The following NBEA variants were observed in gnomAD, a reference collection of about 807,000 sequenced individuals.
NBEA encodes the protein lysosomal-trafficking regulator 2.
In NBEA, 44 loss-of-function variants were observed where a neutral mutation model predicts 343.4. The observed-to-expected ratio is 0.13, with a 90% confidence interval of 0.10 to 0.16. The LOEUF (loss-of-function observed/expected upper bound fraction) is 0.16. Among genes scored for constraint, NBEA ranks in the 10% least tolerant of loss-of-function variants. The probability of loss-of-function intolerance (pLI) is 1.00; values close to 1 mark genes in which losing one functional copy is unlikely to be tolerated. For synonymous variants in NBEA, 1,175 were observed against 1,238.7 expected (o/e 0.95, Z 1.08); for missense variants, 2,555 against 3,631.3 (o/e 0.70, Z 7.62).
At chr13:35,248,495 A>G (rs2031523355) in intron 34 of NBEA, among the ~76,000 whole-genome samples, 1 of 152,220 alleles carries the variant, frequency 6.6e-6, no homozygotes, top group Non-Finnish European at 1.5e-5. Flanking sequence ...CGATTTTAAA[A>G]CTTCTACTTA....
intron 56 of NBEA, 69 bp from the exon 57 acceptor site, chr13:35,667,305 G>C (rs2085406643): frequency 7.5e-7 from 1 of 1,332,126 alleles, no homozygotes; most frequent in Non-Finnish European, 1.1e-6. Context: ...AAGGTTTTCA[G>C]GTTGGTGGGA....
intron 55 of NBEA, among the ~76,000 whole-genome samples, chr13:35,663,266 C>T (rs2085189001): frequency 6.6e-6 from 1 of 152,206 alleles, no homozygotes; most frequent in Non-Finnish European, 1.5e-5. Context: ...TTAACCAACA[C>T]CTTCCCACCA....
chr13:35,388,959 A>G (rs1361070277), intron 38 of NBEA, among the ~76,000 whole-genome samples: 1 of 151,756 alleles, frequency 6.6e-6, no homozygotes, highest in Non-Finnish European at 1.5e-5. Flanking sequence ...ATATTTCTCT[A>G]AACGTTTACG....
intron 48 of NBEA, among the ~76,000 whole-genome samples, chr13:35,621,728 T>A (rs2083001058): frequency 1.4e-5 from 2 of 146,386 alleles, no homozygotes; most frequent in South Asian, 4.4e-4. Flanking sequence ...CTTTATTCCT[T>A]CCTCTTGTGA....
At chr13:34,980,054 T>C (rs976224259) in intron 1 of NBEA, among the ~76,000 whole-genome samples, 1 of 152,178 alleles carries the variant, frequency 6.6e-6, no homozygotes, top group Non-Finnish European at 1.5e-5. Context: ...ATCCATTTGT[T>C]GGTCTTTATG....
intron 34 of NBEA, among the ~76,000 whole-genome samples, chr13:35,248,262 C>T (rs2031491685): frequency 6.6e-6 from 1 of 152,030 alleles, no homozygotes. Context: ...TATACCATAA[C>T]CAAGTAAATT....
chr13:35,008,233 T>C (rs964369830), intron 1 of NBEA, among the ~76,000 whole-genome samples: 1 of 152,208 alleles, frequency 6.6e-6, no homozygotes, highest in Non-Finnish European at 1.5e-5. Context: ...TTTAAAAGTA[T>C]ACAGTTTAGT....
At chr13:35,335,724 A>C (rs1041674908) in intron 36 of NBEA, among the ~76,000 whole-genome samples, 4 of 152,092 alleles carry the variant, frequency 2.6e-5, no homozygotes, top group African/African-American at 9.7e-5. Flanking sequence ...ACATCCTAGG[A>C]GATGTTACTG....
At chr13:35,211,280 T>A in intron 33 of NBEA, 101 bp downstream of exon 33, 1 of 1,049,308 alleles carries the variant, frequency 9.5e-7, no homozygotes, top group South Asian at 1.7e-5. Flanking sequence ...GAATGAAGGT[T>A]AATTATTTTG....
At chr13:35,139,034 T>G (rs1034889430) in intron 17 of NBEA, among the ~76,000 whole-genome samples, 1 of 150,698 alleles carries the variant, frequency 6.6e-6, no homozygotes, top group Non-Finnish European at 1.5e-5. Context: ...TCATATATAC[T>G]CTGAATTTGT....
chr13:35,491,960 G>A (rs9600846), intron 41 of NBEA, among the ~76,000 whole-genome samples: 20,352 of 151,918 alleles, frequency 0.13, 1,712 homozygotes, highest in South Asian at 0.22. Flanking sequence ...TTCCACATCC[G>A]TATCAATGGA....
chr13:34,943,995 AAGG>A (rs1312091568), intron 1 of NBEA, among the ~76,000 whole-genome samples: 70 of 152,222 alleles, frequency 4.6e-4, no homozygotes, highest in African/African-American at 1.6e-3. Flanking sequence ...AAATGGAAAG[AAGG>A]AGAGGAGAAT....
chr13:35,483,492 T>C (rs2076195803), intron 41 of NBEA, among the ~76,000 whole-genome samples: 2 of 152,036 alleles, frequency 1.3e-5, no homozygotes, highest in African/African-American at 4.8e-5. Context: ...TGTATAAATA[T>C]ACATTATCCT....
intron 1 of NBEA, among the ~76,000 whole-genome samples, chr13:35,009,242 C>T (rs868518333): frequency 1.3e-5 from 2 of 152,282 alleles, no homozygotes; most frequent in Middle Eastern, 3.4e-3. Context: ...TCTACTCTCC[C>T]ACAGGTTACA....
chr13:35,343,780 A>G (rs2039722688), intron 36 of NBEA, among the ~76,000 whole-genome samples: 1 of 152,054 alleles, frequency 6.6e-6, no homozygotes, highest in Non-Finnish European at 1.5e-5. Flanking sequence ...ACTATCTCCC[A>G]TCACCCCCAG....
intron 38 of NBEA, among the ~76,000 whole-genome samples, chr13:35,357,426 T>C (rs1714082041): frequency 1.3e-5 from 2 of 152,086 alleles, no homozygotes. Context: ...GTTAGTTATT[T>C]TTCCTGATCT....
At chr13:35,639,348 A>G (rs895626952) in intron 49 of NBEA, among the ~76,000 whole-genome samples, 2 of 152,188 alleles carry the variant, frequency 1.3e-5, no homozygotes, top group African/African-American at 4.8e-5. Flanking sequence ...AATGCTTTAT[A>G]TGATCTTGTT....
At chr13:35,149,012 G>C (rs1021246118) in intron 18 of NBEA, among the ~76,000 whole-genome samples, 2 of 152,080 alleles carry the variant, frequency 1.3e-5, no homozygotes, top group African/African-American at 4.8e-5. Flanking sequence ...TTTAAGAGTG[G>C]CTGCTCTTTA....
At chr13:35,006,959 C>T (rs1160863240) in intron 1 of NBEA, among the ~76,000 whole-genome samples, 3 of 152,174 alleles carry the variant, frequency 2.0e-5, no homozygotes, top group Non-Finnish European at 2.9e-5. Context: ...TGTCATCTGA[C>T]TTCTGTTATT....
Sources: allele counts gnomAD v4.1 joint callset (sites outside exome capture counted in the v4.1 genomes callset), GRCh38; gene constraint gnomAD v4.1.1; transcripts MANE v1.5; gene names NCBI Gene and HGNC (gene_info 2026-07-23, HGNC 2026-07-21).